C2orf92: variants seen among roughly 807,000 people sequenced by gnomAD.
C2orf92 encodes the protein uncharacterized protein C2orf92.
At chr2:97,676,396 T>G (rs1282201639) in intron 3 of C2orf92, among the ~76,000 whole-genome samples, 2 of 128,222 alleles carry the variant, frequency 1.6e-5, no homozygotes, top group Non-Finnish European at 3.1e-5. Flanking sequence ...ATCATGCCAC[T>G]GCACTCCAGC....
chr2:97,671,574 G>T, intron 1 of C2orf92: 1 of 398,532 alleles, frequency 2.5e-6, no homozygotes, highest in Non-Finnish European at 4.4e-6. Flanking sequence ...TTGTCTCCCA[G>T]GTAACCTGTT....
intron 3 of C2orf92, among the ~76,000 whole-genome samples, chr2:97,684,433 A>AGAAT (rs1357534295): frequency 6.6e-6 from 1 of 152,200 alleles, no homozygotes; most frequent in Non-Finnish European, 1.5e-5. Context: ...CACAGGCAAA[A>AGAAT]GAATGAAGCT....
chr2:97,685,976 AT>A (rs1323901265), intron 3 of C2orf92, among the ~76,000 whole-genome samples: 1 of 152,210 alleles, frequency 6.6e-6, no homozygotes, highest in Admixed American at 6.5e-5. Context: ...CTACATGTCC[AT>A]TTTGTGCTGT....
chr2:97,674,377 T>C (rs751879920), intron 1 of C2orf92, 79 bp from the exon 2 acceptor site: 12 of 397,548 alleles, frequency 3.0e-5, no homozygotes, highest in Non-Finnish European at 4.0e-5. Flanking sequence ...GTGTCATGCA[T>C]TCATTGTATT....
At chr2:97,680,164 T>A (rs1242880198) in intron 3 of C2orf92, among the ~76,000 whole-genome samples, 2 of 151,862 alleles carry the variant, frequency 1.3e-5, no homozygotes, top group Non-Finnish European at 2.9e-5. Flanking sequence ...CTGAGCGTGA[T>A]GGTGCATGCC....
At chr2:97,675,777 CA>C in intron 2 of C2orf92, 67 bp from the exon 3 acceptor site, 1 of 398,768 alleles carries the variant, frequency 2.5e-6, no homozygotes, top group East Asian at 3.6e-5. Context: ...AGAAGAGTAT[CA>C]ATCTGAAGGG....
intron 1 of C2orf92, among the ~76,000 whole-genome samples, chr2:97,673,376 G>T (rs10496323): frequency 3.3e-5 from 5 of 151,864 alleles, no homozygotes; most frequent in Admixed American, 2.6e-4. Context: ...ACTGCTTCAA[G>T]GGCTTTTCAT....
At chr2:97,688,463 C>T (rs936352266) in intron 3 of C2orf92, among the ~76,000 whole-genome samples, 3 of 152,120 alleles carry the variant, frequency 2.0e-5, no homozygotes, top group African/African-American at 7.2e-5. Flanking sequence ...ATGTAACCCT[C>T]ATGAATTAGC....
chr2:97,686,671 G>T (rs1675975174), intron 3 of C2orf92, among the ~76,000 whole-genome samples: 1 of 151,894 alleles, frequency 6.6e-6, no homozygotes, highest in African/African-American at 2.4e-5. Flanking sequence ...GCCCACCTCG[G>T]CCTCCCAAAG....
At chr2:97,687,201 T>TA (rs768161306) in intron 3 of C2orf92, among the ~76,000 whole-genome samples, 2 of 151,890 alleles carry the variant, frequency 1.3e-5, no homozygotes, top group African/African-American at 2.4e-5. Context: ...CCTGTTTCTA[T>TA]AAAAAATTAA....
At chr2:97,696,200 C>T (rs908554603) in intron 5 of C2orf92, among the ~76,000 whole-genome samples, 4 of 152,150 alleles carry the variant, frequency 2.6e-5, no homozygotes, top group Admixed American at 6.5e-5. Context: ...TGTAATCGCA[C>T]GGAGTTCTGG....
At chr2:97,676,265 C>T (rs1054338981) in intron 3 of C2orf92, among the ~76,000 whole-genome samples, 2 of 151,636 alleles carry the variant, frequency 1.3e-5, no homozygotes, top group African/African-American at 4.9e-5. Context: ...AACCCTATCT[C>T]TACTCAAAAA....
intron 3 of C2orf92, among the ~76,000 whole-genome samples, chr2:97,680,698 G>A (rs1412441847): frequency 1.3e-5 from 2 of 152,036 alleles, no homozygotes; most frequent in Non-Finnish European, 2.9e-5. Context: ...AGGCCGAGGC[G>A]GGCGGATCAT....
At chr2:97,673,039 C>A (rs1675464396) in intron 1 of C2orf92, among the ~76,000 whole-genome samples, 1 of 152,144 alleles carries the variant, frequency 6.6e-6, no homozygotes, top group Non-Finnish European at 1.5e-5. Flanking sequence ...AAAAATGTAA[C>A]CCTTGTGAAT....
At chr2:97,696,308 C>T (rs1316288186) in intron 5 of C2orf92, among the ~76,000 whole-genome samples, 6 of 152,122 alleles carry the variant, frequency 3.9e-5, no homozygotes, top group Admixed American at 2.6e-4. Flanking sequence ...ACAAAGCTCA[C>T]GTCTGCCAGC....
chr2:97,700,887 G>A (rs576342275), intron 6 of C2orf92, among the ~76,000 whole-genome samples: 3 of 152,038 alleles, frequency 2.0e-5, no homozygotes, highest in Non-Finnish European at 2.9e-5. Flanking sequence ...CCGCCACCAC[G>A]CCCGGCTAAT....
chr2:97,670,761 A>G (rs1004888499), intron 1 of C2orf92: 3 of 151,742 alleles, frequency 2.0e-5, no homozygotes, highest in Admixed American at 6.6e-5. Flanking sequence ...TAGGGATCTC[A>G]CTATGTTGCC....
upstream of C2orf92, among the ~76,000 whole-genome samples, chr2:97,667,564 C>T (rs1248814599): frequency 6.6e-6 from 1 of 151,590 alleles, no homozygotes; most frequent in Non-Finnish European, 1.5e-5. Flanking sequence ...TCCCGAGTAG[C>T]TGGGACTACA....
intron 1 of C2orf92, 151 bp from the exon 2 acceptor site, chr2:97,674,305 G>A: frequency 2.5e-6 from 1 of 394,992 alleles, no homozygotes; most frequent in Non-Finnish European, 4.5e-6. Flanking sequence ...GATTTAGGTA[G>A]TTGGAGTTTC....
Sources: allele counts gnomAD v4.1 joint callset (sites outside exome capture counted in the v4.1 genomes callset), GRCh38; gene constraint gnomAD v4.1.1; transcripts MANE v1.5; gene names NCBI Gene and HGNC (gene_info 2026-07-23, HGNC 2026-07-21).